The following PEAK1 variants were observed in gnomAD, a reference collection of about 807,000 sequenced individuals.
The protein encoded by PEAK1 is pseudopodium enriched atypical kinase 1, also known as inactive tyrosine-protein kinase PEAK1.
A neutral mutation model predicts 124.7 loss-of-function variants in PEAK1; 54 were observed. The ratio of observed to expected loss-of-function variants is 0.43; its 90% CI spans 0.35 to 0.54. The LOEUF is 0.54. PEAK1 is among the 20% of genes least tolerant of loss of function. PEAK1 has a pLI of 0.01. For missense variants in PEAK1, 2,046 were observed against 2,134.5 expected, an observed-to-expected ratio of 0.96 and a Z score of 0.82; for synonymous variants, 719 against 760.0, an observed-to-expected ratio of 0.95 and a Z score of 0.89.
chr15:77,379,563 C>CA (rs1463738778), intron 1 of PEAK1, among the ~76,000 whole-genome samples: 3 of 152,024 alleles, frequency 2.0e-5, no homozygotes, highest in Admixed American at 1.3e-4. Context: ...TCCCGAAATC[C>CA]AATATATAGA....
At chr15:77,308,373 C>T (rs1001580094) in intron 2 of PEAK1, among the ~76,000 whole-genome samples, 1 of 151,990 alleles carries the variant, frequency 6.6e-6, no homozygotes, top group Non-Finnish European at 1.5e-5. Flanking sequence ...ATATATATGG[C>T]AATATTATGT....
intron 2 of PEAK1, among the ~76,000 whole-genome samples, chr15:77,318,778 C>T (rs1277797302): frequency 6.6e-6 from 1 of 151,910 alleles, no homozygotes; most frequent in Non-Finnish European, 1.5e-5. Flanking sequence ...AAACCCACTC[C>T]CTCTCTCCCC....
chr15:77,287,593 T>C (rs1453920057), intron 2 of PEAK1, among the ~76,000 whole-genome samples: 2 of 152,084 alleles, frequency 1.3e-5, no homozygotes, highest in African/African-American at 4.8e-5. Flanking sequence ...CTCCTAGGGT[T>C]CAGTGTTTTG....
At position 77,349,680 on chromosome 15, in the gene PEAK1, T is replaced by C. The variant is rs76813455; in HGVS notation, c.-603+15483A>G. 1.2e-3 allele frequency: 1,159 copies of C among 984,742 alleles called. 3 individuals carry two copies. In the African/African-American group the frequency reaches 0.015, roughly 12 times the overall value. 61.0% of individuals were successfully genotyped at this position (984,742 alleles called of 1,614,324 possible). A position where few individuals can be genotyped will look rare whatever the true frequency, so the allele number is the denominator to read the frequency against. ...AAAATTACTTAATCAATCCTTTACA[T>C]TGTCCTTTCTTCACGTAGGATTTTC... is the stretch of plus-strand genomic sequence containing the variant. On this transcript the variant is annotated intron_variant, in intron 2 of 9. Transcript: ENST00000682557.
chr15:77,389,928 T>C lies in PEAK1; in HGVS notation c.-665-24703A>G, dbSNP rs376666608. 3.9e-5 allele frequency among the ~76,000 whole-genome samples: 6 copies of C among 152,334 alleles called. No homozygotes were observed. In the East Asian group the frequency reaches 7.7e-4, roughly 20 times the overall value. On this transcript the variant is annotated intron_variant, in intron 1 of 9. Transcript: ENST00000682557. ...TGGGATTAGTGTAGTCTGTATTTCA[T>C]TGCTGATTTGAAACAGAATGATGAT...
At chr15:77,326,036 G>C (rs2065556420) in intron 2 of PEAK1, among the ~76,000 whole-genome samples, 1 of 151,574 alleles carries the variant, frequency 6.6e-6, no homozygotes, top group African/African-American at 2.4e-5. Context: ...CATATAGTTT[G>C]AATTTGTTTA....
intron 3 of PEAK1, among the ~76,000 whole-genome samples, chr15:77,285,441 T>A (rs898065640): frequency 6.6e-6 from 1 of 152,210 alleles, no homozygotes; most frequent in Admixed American, 6.5e-5. Context: ...GAAATACATA[T>A]GTCCTCCACC....
chr15:77,365,742 A>T (rs1292378390), intron 1 of PEAK1, among the ~76,000 whole-genome samples: 9 of 51,894 alleles, frequency 1.7e-4, no homozygotes, highest in Non-Finnish European at 5.0e-4. Flanking sequence ...TCCATCTCAT[A>T]AAAAAAAAAA....
intron 5 of PEAK1, among the ~76,000 whole-genome samples, chr15:77,268,008 A>T (rs1421261564): frequency 6.6e-6 from 1 of 152,208 alleles, no homozygotes; most frequent in South Asian, 2.1e-4. Flanking sequence ...AGATAGCATA[A>T]ATAAAAACTA....
intron 8 of PEAK1, among the ~76,000 whole-genome samples, chr15:77,152,793 A>G (rs752883685): frequency 0.033 from 4,985 of 152,210 alleles, 119 homozygotes; most frequent in Non-Finnish European, 0.049. Context: ...GATTACATTT[A>G]TTGATTTGCG....
At chr15:77,275,918 A>G (rs2062297992) in intron 5 of PEAK1, among the ~76,000 whole-genome samples, 1 of 152,110 alleles carries the variant, frequency 6.6e-6, no homozygotes, top group Non-Finnish European at 1.5e-5. Flanking sequence ...GAAATACAGA[A>G]TGTAAATAAT....
At chr15:77,127,194 G>C (rs2052450487) in intron 9 of PEAK1, among the ~76,000 whole-genome samples, 1 of 152,176 alleles carries the variant, frequency 6.6e-6, no homozygotes, top group South Asian at 2.1e-4. Context: ...TGAGAAGAAG[G>C]CTATCTGTAA....
intron 1 of PEAK1, among the ~76,000 whole-genome samples, chr15:77,391,413 T>TCA (rs970354342): frequency 1.4e-5 from 2 of 142,740 alleles, no homozygotes; most frequent in African/African-American, 5.2e-5. Flanking sequence ...ATTCTAAACT[T>TCA]TATATATAAA....
In PEAK1 at chr15:77,241,287, T is replaced by C. The variant is rs187732877; in HGVS notation, c.-115+11080A>G. Among the ~76,000 whole-genome samples, 327 of 152,222 alleles carry C rather than the reference T, an allele frequency of 2.1e-3. 1 individual carries two copies. The highest frequency in any genetic ancestry group is 2.3e-3 in the Non-Finnish European group (157 of 68,012). On this transcript the variant is annotated intron_variant, in intron 6 of 9. Coordinates refer to ENST00000682557, the MANE Select transcript of PEAK1 (RefSeq NM_001385026.1). Reference sequence around the variant, plus strand: ...AAAATCTGACAAAATCCAACAGCCATTCATAATGAAAACTCTCAGCAAACT... The same window carrying C: ...AAAATCTGACAAAATCCAACAGCCACTCATAATGAAAACTCTCAGCAAACT...
At chr15:77,196,613 G>A (rs2058115421) in intron 6 of PEAK1, among the ~76,000 whole-genome samples, 1 of 152,124 alleles carries the variant, frequency 6.6e-6, no homozygotes. Flanking sequence ...AAAGGGTGTT[G>A]TGACACATGC....
intron 1 of PEAK1, among the ~76,000 whole-genome samples, chr15:77,380,090 T>C (rs886304100): frequency 1.5e-4 from 23 of 152,350 alleles, no homozygotes; most frequent in Non-Finnish European, 2.8e-4. Flanking sequence ...TATCTTGTTT[T>C]TTTAGCTCCA....
chr15:77,150,419 T>A (rs541483985), intron 8 of PEAK1, among the ~76,000 whole-genome samples: 29 of 152,310 alleles, frequency 1.9e-4, no homozygotes, highest in African/African-American at 5.8e-4. Flanking sequence ...CTAATATATG[T>A]TAGGCACTTA....
intron 5 of PEAK1, among the ~76,000 whole-genome samples, chr15:77,259,582 A>T (rs548404712): frequency 2.6e-5 from 4 of 152,210 alleles, no homozygotes; most frequent in Admixed American, 2.6e-4. Context: ...CAAAGGTGTT[A>T]GCCTTAAAAC....
At chr15:77,321,156 A>G (rs1375703131) in intron 2 of PEAK1, among the ~76,000 whole-genome samples, 6 of 152,160 alleles carry the variant, frequency 3.9e-5, no homozygotes, top group Non-Finnish European at 7.3e-5. Flanking sequence ...ATGATTTATA[A>G]TCCTTTGGGT....
Sources: allele counts gnomAD v4.1 joint callset (sites outside exome capture counted in the v4.1 genomes callset), GRCh38; gene constraint gnomAD v4.1.1; transcripts MANE v1.5; gene names NCBI Gene and HGNC (gene_info 2026-07-23, HGNC 2026-07-21).